The following FMN2 variants were observed in gnomAD, a reference collection of about 807,000 sequenced individuals.
The protein encoded by FMN2 is formin 2.
Under a neutral mutation model 142.3 loss-of-function variants are expected in FMN2, and 51 were observed. The observed-to-expected ratio is 0.36, with a 90% CI of 0.29 to 0.45. The LOEUF (loss-of-function observed/expected upper bound fraction) is 0.45, where lower values mean the gene tolerates loss of function less well. FMN2 is among the 20% of genes least tolerant of loss of function. The pLI is 1.00. For missense variants in FMN2, 1,936 were observed against 2,122.8 expected (o/e 0.91, Z 1.73); for synonymous variants, 882 against 869.8 (o/e 1.01, Z -0.25).
chr1:240,332,754 A>G (rs1347353206), intron 11 of FMN2, among the ~76,000 whole-genome samples: 1 of 152,180 alleles, frequency 6.6e-6, no homozygotes, highest in African/African-American at 2.4e-5. Flanking sequence ...TGTAAAACAA[A>G]TGTAACTATA....
intron 1 of FMN2, among the ~76,000 whole-genome samples, chr1:240,104,374 A>T (rs1661527365): frequency 6.6e-6 from 1 of 152,070 alleles, no homozygotes; most frequent in Non-Finnish European, 1.5e-5. Flanking sequence ...AGGTATTATT[A>T]ACACTTTTTC....
chr1:240,416,644 T>C (rs906738536), intron 15 of FMN2, among the ~76,000 whole-genome samples: 3 of 152,178 alleles, frequency 2.0e-5, no homozygotes, highest in Admixed American at 6.5e-5. Flanking sequence ...TTGATATTTA[T>C]GTTATTTAAT....
At chr1:240,260,424 TA>T (rs1447374963) in intron 7 of FMN2, among the ~76,000 whole-genome samples, 1 of 152,092 alleles carries the variant, frequency 6.6e-6, no homozygotes, top group Non-Finnish European at 1.5e-5. Context: ...ATTATTTTTT[TA>T]TTTTTTTTTA....
At chr1:240,110,898 G>GA (rs1053661818) in intron 1 of FMN2, among the ~76,000 whole-genome samples, 2 of 151,652 alleles carry the variant, frequency 1.3e-5, no homozygotes, top group Middle Eastern at 3.4e-3. Context: ...TAAATTTAAG[G>GA]AAAAAAACCC....
At chr1:240,392,648 T>A in intron 15 of FMN2, 86 bp downstream of exon 15, 1 of 1,103,096 alleles carries the variant, frequency 9.1e-7, no homozygotes, top group Admixed American at 2.5e-5. Context: ...TTAGTTCAAT[T>A]TTAATTTTCA....
At chr1:240,167,086 C>A (rs1664510791) in intron 2 of FMN2, among the ~76,000 whole-genome samples, 1 of 152,302 alleles carries the variant, frequency 6.6e-6, no homozygotes, top group African/African-American at 2.4e-5. Flanking sequence ...TGTGCCATTG[C>A]ACTTGAGCCT....
intron 16 of FMN2, among the ~76,000 whole-genome samples, chr1:240,445,273 TTTCTC>T (rs1450689911): frequency 2.6e-5 from 4 of 152,232 alleles, no homozygotes; most frequent in Non-Finnish European, 4.4e-5. Context: ...ATGTGGATCT[TTTCTC>T]TTCTCATGAG....
chr1:240,113,023 G>A (rs1280488369), intron 1 of FMN2, among the ~76,000 whole-genome samples: 1 of 152,192 alleles, frequency 6.6e-6, no homozygotes, highest in African/African-American at 2.4e-5. Context: ...CAAATATGAA[G>A]TAAAATGCAG....
chr1:240,414,361 G>A (rs1209947880), intron 15 of FMN2, among the ~76,000 whole-genome samples: 8 of 152,166 alleles, frequency 5.3e-5, no homozygotes, highest in African/African-American at 1.4e-4. Context: ...AGAACTTCAC[G>A]TCTGTTAAAT....
rs1047065038 is a variant in FMN2 at position 240,238,524 on chromosome 1, G to A, written c.4066-19421G>A. ...ATTTAACTAGTTTATAGGCTCCTGC[G>A]TGACTTATTTAATCTTGTGATTTTG... is the stretch of plus-strand genomic sequence containing the variant. On this transcript the variant is annotated intron_variant, in intron 6 of 17. Transcript: ENST00000319653. 6.6e-5 allele frequency among the ~76,000 whole-genome samples: 10 copies of A among 152,108 alleles called. No individual in the cohort carries two copies. In the South Asian group the frequency reaches 8.3e-4, roughly 13 times the overall value.
At chr1:240,357,726 G>A (rs578101529) in intron 14 of FMN2, among the ~76,000 whole-genome samples, 250 of 151,406 alleles carry the variant, frequency 1.7e-3, no homozygotes, top group African/African-American at 6.0e-3. Flanking sequence ...TCCTGCCTCA[G>A]CCTCCCGAGT....
In FMN2 at chr1:240,092,359, C is replaced by T. The variant is rs774597143; in HGVS notation, c.250C>T (p.Leu84=). Residue 84 remains leucine, a synonymous_variant, in exon 1 of 18, where the codon CTG becomes TTG. Transcript: ENST00000319653. ...VFSNLRIRKN[L]SKGKGAGGSR... ...TTCCAACCTGCGGATCAGGAAGAATCTGTCCAAGGGGAAAGGCGCCGGCGG... is the reference window on the plus strand; with the variant it reads ...TTCCAACCTGCGGATCAGGAAGAATTTGTCCAAGGGGAAAGGCGCCGGCGG... 3 of 1,609,334 alleles carry T rather than the reference C, an allele frequency of 1.9e-6. No homozygotes were observed. Among genetic ancestry groups the T allele is most frequent in the Admixed American group, 1.7e-5 (1 of 59,864 alleles).
chr1:240,258,640 G>A (rs1487210640), intron 7 of FMN2, among the ~76,000 whole-genome samples: 1 of 152,136 alleles, frequency 6.6e-6, no homozygotes, highest in Non-Finnish European at 1.5e-5. Flanking sequence ...TGGAATTAGA[G>A]TGGTTCTTAA....
chr1:240,408,292 G>C (rs1674279858), intron 15 of FMN2, among the ~76,000 whole-genome samples: 1 of 152,008 alleles, frequency 6.6e-6, no homozygotes, highest in South Asian at 2.1e-4. Flanking sequence ...TGAGCAACTA[G>C]GCCAAACATT....
At chr1:240,196,339 A>G (rs768220065) in intron 4 of FMN2, among the ~76,000 whole-genome samples, 2 of 152,176 alleles carry the variant, frequency 1.3e-5, no homozygotes, top group African/African-American at 2.4e-5. Flanking sequence ...GCAACCAAGA[A>G]TTGAAATGAT....
At chr1:240,319,298 T>C (rs939638167) in intron 8 of FMN2, among the ~76,000 whole-genome samples, 1 of 152,172 alleles carries the variant, frequency 6.6e-6, no homozygotes, top group African/African-American at 2.4e-5. Flanking sequence ...AGCATTTAGC[T>C]ACATTATGAA....
At chr1:240,181,732 A>G (rs1388116100) in intron 3 of FMN2, among the ~76,000 whole-genome samples, 1 of 152,226 alleles carries the variant, frequency 6.6e-6, no homozygotes, top group Non-Finnish European at 1.5e-5. Flanking sequence ...TGTTGGTGGC[A>G]TTAAACAAAT....
chr1:240,354,297 G>C (rs749726274), intron 13 of FMN2, among the ~76,000 whole-genome samples: 28 of 152,264 alleles, frequency 1.8e-4, no homozygotes, highest in Non-Finnish European at 2.9e-4. Flanking sequence ...GCCAACTGAA[G>C]AATGGAGGCA....
intron 7 of FMN2, among the ~76,000 whole-genome samples, chr1:240,285,906 T>A (rs962263861): frequency 6.6e-6 from 1 of 152,078 alleles, no homozygotes; most frequent in Admixed American, 6.6e-5. Flanking sequence ...TTTTCCTTTT[T>A]TTCCCCCGCT....
Sources: gnomAD v4.1 joint callset for allele counts (sites outside exome capture counted in the v4.1 genomes callset) on GRCh38, gnomAD v4.1.1 for gene constraint, MANE v1.5 for transcripts, NCBI Gene and HGNC (gene_info 2026-07-23, HGNC 2026-07-21) for gene names.